Variants in ITPK1 observed in about 807,000 individuals in gnomAD.
ITPK1 encodes inositol 1,3,4-trisphosphate 5/6-kinase.
ITPK1 carries 21 observed loss-of-function variants against 45.3 expected under a neutral mutation model. The ratio of observed to expected loss-of-function variants is 0.46; its 90% CI spans 0.33 to 0.67. The LOEUF is 0.67. Ranked by LOEUF, ITPK1 falls within the 30% of genes least tolerant of loss-of-function variation. The pLI, the probability that ITPK1 is intolerant of heterozygous loss-of-function variation, is 0.02. For missense variants in ITPK1, 474 were observed against 573.5 expected (o/e 0.83, Z 1.77); for synonymous variants, 258 against 253.6 (o/e 1.02, Z -0.16).
chr14:93,037,419 G>A (rs1042151991), intron 3 of ITPK1, among the ~76,000 whole-genome samples: 12 of 152,178 alleles, frequency 7.9e-5, no homozygotes, highest in Non-Finnish European at 1.3e-4. Context: ...GGAATGTGAC[G>A]GTTGGGTTTC....
chr14:93,097,199 A>C (rs1892113556), intron 2 of ITPK1, among the ~76,000 whole-genome samples: 2 of 151,868 alleles, frequency 1.3e-5, no homozygotes, highest in South Asian at 2.1e-4. Flanking sequence ...CCAGGGCTTG[A>C]CCCTCCCTGT....
At chr14:93,055,022 G>C (rs1890165160) in intron 3 of ITPK1, among the ~76,000 whole-genome samples, 1 of 152,164 alleles carries the variant, frequency 6.6e-6, no homozygotes, top group South Asian at 2.1e-4. Flanking sequence ...CCTGTCCCCA[G>C]AGAGTAGCTT....
intron 4 of ITPK1, among the ~76,000 whole-genome samples, chr14:92,999,629 C>T (rs1370036554): frequency 6.6e-6 from 1 of 152,224 alleles, no homozygotes; most frequent in African/African-American, 2.4e-5. Flanking sequence ...GGGCTGATGG[C>T]ATGAAGGGAC....
chr14:92,972,397 C>T (rs535810079), intron 5 of ITPK1, among the ~76,000 whole-genome samples: 30 of 152,240 alleles, frequency 2.0e-4, no homozygotes, highest in African/African-American at 6.0e-4. Flanking sequence ...AGGGGAAGAC[C>T]ATGTGCAGAC....
intron 2 of ITPK1, among the ~76,000 whole-genome samples, chr14:93,079,138 AAC>A (rs1239600908): frequency 1.3e-5 from 2 of 152,232 alleles, no homozygotes; most frequent in Non-Finnish European, 2.9e-5. Flanking sequence ...GTCCTAAAAA[AAC>A]AGTCTCTCAC....
intron 2 of ITPK1, among the ~76,000 whole-genome samples, chr14:93,081,172 A>G (rs1891420430): frequency 6.6e-6 from 1 of 151,666 alleles, no homozygotes; most frequent in African/African-American, 2.4e-5. Flanking sequence ...TCGTCTCTAT[A>G]AGAATATAAA....
intron 3 of ITPK1, among the ~76,000 whole-genome samples, chr14:93,073,992 AAC>A (rs1304709357): frequency 6.6e-6 from 1 of 152,156 alleles, no homozygotes; most frequent in Non-Finnish European, 1.5e-5. Flanking sequence ...GAGGACTGCA[AAC>A]ACCCCCAGCT....
At chr14:93,087,906 G>A (rs1891711178) in intron 2 of ITPK1, among the ~76,000 whole-genome samples, 3 of 152,354 alleles carry the variant, frequency 2.0e-5, no homozygotes, top group South Asian at 4.1e-4. Flanking sequence ...CGGGAAAGAA[G>A]CCCAGGGAAG....
Position 92,958,357 on chromosome 14 carries a change from C to T in ITPK1, c.514G>A (p.Val172Met), listed in dbSNP as rs770867781. Residue 172 changes from valine (V) to methionine (M), a missense_variant, in exon 8 of 11, where the codon GTG (valine) becomes ATG (methionine). Coordinates refer to ENST00000267615, the MANE Select transcript of ITPK1 (RefSeq NM_014216.6). The surrounding 1 kb of genome is among the most constrained non-coding windows in gnomAD (Gnocchi z 4.4). ...GCGTTCAGGCCCTCCTGGTTGAACA[C>T]GATAGCCATCTGGGAAGACAAGGGG... Reference protein sequence around the residue: ...HGTNSHEMAIVFNQEGLNAIQ... With the variant: ...HGTNSHEMAIMFNQEGLNAIQ... 6.2e-6 allele frequency: 10 copies of T among 1,614,076 alleles called. No individual in the cohort carries two copies. The highest frequency in any genetic ancestry group is 1.7e-5 in the Admixed American group (1 of 60,018).
chr14:92,989,556 G>A (rs1358617051), intron 5 of ITPK1, among the ~76,000 whole-genome samples: 1 of 152,164 alleles, frequency 6.6e-6, no homozygotes, highest in Admixed American at 6.5e-5. Flanking sequence ...TCACCCTAGG[G>A]TAGCACAGCC....
At chr14:93,106,510 T>C (rs9672082) in intron 2 of ITPK1, among the ~76,000 whole-genome samples, 40,580 of 152,094 alleles carry the variant, frequency 0.27, 6,253 homozygotes, top group African/African-American at 0.43. Flanking sequence ...GTGGACACCG[T>C]CCACCCTGTG....
intron 2 of ITPK1, among the ~76,000 whole-genome samples, chr14:93,109,871 A>G (rs1177534503): frequency 6.6e-6 from 1 of 152,128 alleles, no homozygotes; most frequent in Non-Finnish European, 1.5e-5. Context: ...AACCAAGAAC[A>G]CTAAATCTAC....
intron 5 of ITPK1, among the ~76,000 whole-genome samples, chr14:92,991,387 A>C (rs974359694): frequency 6.6e-6 from 1 of 151,546 alleles, no homozygotes; most frequent in Admixed American, 6.6e-5. Context: ...ACGATAAGGA[A>C]AACCCAGCGT....
At chr14:93,058,298 G>A (rs1890295601) in intron 3 of ITPK1, among the ~76,000 whole-genome samples, 1 of 150,316 alleles carries the variant, frequency 6.7e-6, no homozygotes, top group African/African-American at 2.5e-5. Flanking sequence ...TCTGGGTAGG[G>A]ACAGAAGAAC....
intron 4 of ITPK1, among the ~76,000 whole-genome samples, chr14:93,002,033 C>T (rs867466585): frequency 2.6e-5 from 4 of 152,238 alleles, no homozygotes; most frequent in African/African-American, 7.2e-5. Flanking sequence ...ATGTAGATCC[C>T]GTTAGCAGCC....
chr14:93,002,002 T>C (rs1316428764), intron 4 of ITPK1, among the ~76,000 whole-genome samples: 2 of 152,138 alleles, frequency 1.3e-5, no homozygotes, highest in Middle Eastern at 3.2e-3. Flanking sequence ...AATGGACATG[T>C]TTCCCCCTCA....
rs141990521 is a variant in ITPK1 at position 92,938,928 on chromosome 14, C to T, written c.*2633G>A. 346 of 234,526 alleles carry T rather than the reference C, an allele frequency of 1.5e-3. No individual in the cohort carries two copies. The highest frequency in any genetic ancestry group is 7.6e-3 in the African/African-American group (334 of 44,050). The allele number at this position is 234,526 out of a possible 1,614,324, so 14.5% of individuals were successfully genotyped here. ...GACCCTCTGAAACTACCCAAGGACT[C>T]AGCCAAAGTGTGGTCTGGCCCCTTG... On this transcript the variant is annotated 3_prime_UTR_variant, in exon 11 of 11. Coordinates refer to ENST00000267615, the MANE Select transcript of ITPK1 (RefSeq NM_014216.6).
At chr14:92,987,555 G>A (rs1292992351) in intron 5 of ITPK1, among the ~76,000 whole-genome samples, 1 of 152,216 alleles carries the variant, frequency 6.6e-6, no homozygotes, top group Non-Finnish European at 1.5e-5. Flanking sequence ...AGGGCAGGGA[G>A]ATGGGAGGGA....
intron 4 of ITPK1, among the ~76,000 whole-genome samples, chr14:93,005,555 C>G (rs756844742): frequency 6.6e-6 from 1 of 152,130 alleles, no homozygotes; most frequent in Non-Finnish European, 1.5e-5. Flanking sequence ...CTGGCACCCT[C>G]CAACACTCTG....
Sources: allele counts gnomAD v4.1 joint callset (sites outside exome capture counted in the v4.1 genomes callset), GRCh38; gene constraint gnomAD v4.1.1; non-coding constraint Gnocchi (gnomAD v3.1); transcripts MANE v1.5; gene names NCBI Gene and HGNC (gene_info 2026-07-23, HGNC 2026-07-21).